TCP10L: variants seen among roughly 807,000 people sequenced by gnomAD.
The protein encoded by TCP10L is T-complex protein 10A homolog 1.
TCP10L carries 11 observed loss-of-function variants against 19.2 expected under a neutral mutation model. The ratio of observed to expected loss-of-function variants is 0.57; its 90% CI spans 0.36 to 0.95. TCP10L has a LOEUF of 0.95. TCP10L is among the 40% of genes least tolerant of loss of function. The probability of loss-of-function intolerance (pLI) is 0.01; values close to 1 mark genes in which losing one functional copy is unlikely to be tolerated. For synonymous variants in TCP10L, 96 were observed against 97.2 expected (o/e 0.99, Z 0.07); for missense variants, 247 against 263.9 (o/e 0.94, Z 0.44).
At position 32,578,833 on chromosome 21, in the gene TCP10L, T is replaced by C; in HGVS notation, c.361-2A>G. ...TTTTCCAAAAGCAGGTTCCAATGCCTAAAAGACAAAATGCAGGGAAATTCT... is the reference window on the plus strand; with the variant it reads ...TTTTCCAAAAGCAGGTTCCAATGCCCAAAAGACAAAATGCAGGGAAATTCT... On this transcript the variant is annotated splice_acceptor_variant, in intron 3 of 4. Coordinates refer to ENST00000300258, the MANE Select transcript of TCP10L (RefSeq NM_144659.7). LOFTEE classifies it high-confidence loss of function. The surrounding 1 kb of genome is among the most constrained non-coding windows in gnomAD (Gnocchi z 4.2). 1 of 1,614,044 alleles carries C rather than the reference T, an allele frequency of 6.2e-7. No homozygotes were observed. The highest frequency in any genetic ancestry group is 8.5e-7 in the Non-Finnish European group (1 of 1,180,006).
chr21:32,576,390 CA>C lies in TCP10L; in HGVS notation c.*383del. 1 of 1,091,176 alleles carries C rather than the reference CA, an allele frequency of 9.2e-7. No homozygotes were observed. The highest frequency in any genetic ancestry group is 1.3e-6 in the Non-Finnish European group (1 of 764,046). The allele number at this position is 1,091,176 out of a possible 1,614,324, so 67.6% of individuals were successfully genotyped here. On this transcript the variant is annotated 3_prime_UTR_variant, in exon 5 of 5. Coordinates refer to ENST00000300258, the MANE Select transcript of TCP10L (RefSeq NM_144659.7). ...CCTGGAGCGGGCAATGCCTTGAGCC[CA>C]AAGGCTGGGAGCACAAAGCCATCTT...
intron 2 of TCP10L, among the ~76,000 whole-genome samples, chr21:32,583,578 G>A (rs372104217): frequency 0.025 from 3,025 of 120,086 alleles, 106 homozygotes; most frequent in African/African-American, 0.093. Context: ...GACAGAGCGA[G>A]ACTCCGTCTC....
At chr21:32,581,867 A>G (rs1371798288) in intron 3 of TCP10L, among the ~76,000 whole-genome samples, 1 of 152,120 alleles carries the variant, frequency 6.6e-6, no homozygotes, top group Non-Finnish European at 1.5e-5. Flanking sequence ...TAAGACCGTA[A>G]AGCTCCGTAC....
chr21:32,580,476 CTGTGTG>C (rs3056366), intron 3 of TCP10L, among the ~76,000 whole-genome samples: 1,842 of 137,304 alleles, frequency 0.013, 21 homozygotes, highest in Admixed American at 0.015. Context: ...CGGTGGGTGC[CTGTGTG>C]TGTGTGTGTG....
chr21:32,582,569 T>C lies in TCP10L; in HGVS notation c.145-154A>G. The C allele has an allele frequency of 3.2e-6, 2 of 628,532 alleles. No homozygotes were observed. Among genetic ancestry groups the C allele is most frequent in the Non-Finnish European group, 2.6e-6 (1 of 378,242 alleles). 38.9% of individuals were successfully genotyped at this position (628,532 alleles called of 1,614,324 possible). ...ATAAACAGGACTACCACAGCCTTTT[T>C]CTTTCTTCTTTCTTTCCTTTCTTTC... On this transcript the variant is annotated intron_variant, in intron 2 of 4. Coordinates refer to ENST00000300258, the MANE Select transcript of TCP10L (RefSeq NM_144659.7). The surrounding 1 kb of genome is among the most constrained non-coding windows in gnomAD (Gnocchi z 4.2).
Position 32,576,753 on chromosome 21 carries a change from T to A in TCP10L, c.*21A>T. On this transcript the variant is annotated 3_prime_UTR_variant, in exon 5 of 5. Transcript: ENST00000300258. ...GGGCCAGTGTAGAGTGACACAGGTG[T>A]CCGAGGCCACCTTTCCATCTTCAGA... 6.2e-7 allele frequency: 1 copy of A among 1,610,892 alleles called. No individual in the cohort carries two copies. Among genetic ancestry groups the A allele is most frequent in the African/African-American group, 1.3e-5 (1 of 74,866 alleles).
In TCP10L at chr21:32,582,584, TC is replaced by T. The variant is rs2038508446; in HGVS notation, c.145-170del. On this transcript the variant is annotated intron_variant, in intron 2 of 4. Coordinates refer to ENST00000300258, the MANE Select transcript of TCP10L (RefSeq NM_144659.7). This position sits in a 1 kb window ranked among gnomAD's most constrained non-coding sequence, Gnocchi z 4.2. The stretch of plus-strand genomic sequence containing the variant: ...ACAGCCTTTTTCTTTCTTCTTTCTT[TC>T]CTTTCTTTCTTTCTTTTCTTTTCTT... The T allele has an allele frequency of 1.1e-5, 7 of 640,088 alleles. No homozygotes were observed. Among genetic ancestry groups the T allele is most frequent in the Non-Finnish European group, 1.9e-5 (7 of 375,640 alleles). The allele number at this position is 640,088 out of a possible 1,614,324, so 39.7% of individuals were successfully genotyped here. A position where few individuals can be genotyped will look rare whatever the true frequency, so the allele number is the denominator to read the frequency against.
chr21:32,574,395 A>G lies in TCP10L; in HGVS notation c.*2379T>C, dbSNP rs2038408031. ...AGAAAGTCTCTGTTTGAAAGGCTGA[A>G]CCTCAGGAAATAAAGAGACATTTGG... On this transcript the variant is annotated 3_prime_UTR_variant, in exon 5 of 5. Coordinates refer to ENST00000300258, the MANE Select transcript of TCP10L (RefSeq NM_144659.7). 6.6e-6 allele frequency among the ~76,000 whole-genome samples: 1 copy of G among 152,214 alleles called. No homozygotes were observed. The highest frequency in any genetic ancestry group is 1.5e-5 in the Non-Finnish European group (1 of 68,034).
rs2038404726 is a variant in TCP10L, at chr21:32,574,079, G to A, written c.*2695C>T. ...GGGACCTGTGTTCCCAGACTTCCCC[G>A]CCAGGTGCCTACTTACATCACACGT... On this transcript the variant is annotated 3_prime_UTR_variant, in exon 5 of 5. Coordinates refer to ENST00000300258, the MANE Select transcript of TCP10L (RefSeq NM_144659.7). 6.6e-6 allele frequency: 1 copy of A among 152,136 alleles called. No individual in the cohort carries two copies. Among genetic ancestry groups the A allele is most frequent in the East Asian group, 1.9e-4 (1 of 5,176 alleles). The allele number at this position is 152,136 out of a possible 1,614,324, so 9.4% of individuals were successfully genotyped here.
rs2038503561 is a variant in TCP10L at position 32,582,262 on chromosome 21, G to A, written c.298C>T (p.Arg100Trp). The A allele has an allele frequency of 6.2e-6, 10 of 1,614,000 alleles. No homozygotes were observed. The highest frequency in any genetic ancestry group is 1.6e-4 in the Middle Eastern group (1 of 6,080). Reference protein sequence around the residue: ...REKLRALQLQRWKARKKSAAS... With the variant: ...REKLRALQLQWWKARKKSAAS... ...GCAGATTTCTTCCTGGCTTTCCACC[G>A]CTGCAGCTGCAGAGCTCTCAGCTTT... Residue 100 changes from arginine to tryptophan, a missense_variant, in exon 3 of 5, where the codon CGG (arginine) becomes TGG (tryptophan). Physicochemically the swap from Arg to Trp is moderately radical, Grantham distance 101 (BLOSUM62 -3). Transcript: ENST00000300258. The surrounding 1 kb of genome is among the most constrained non-coding windows in gnomAD (Gnocchi z 4.2).
At chr21:32,581,183 G>A (rs1436780155) in intron 3 of TCP10L, among the ~76,000 whole-genome samples, 2 of 152,316 alleles carry the variant, frequency 1.3e-5, no homozygotes, top group East Asian at 1.9e-4. Context: ...GCAGGCCATC[G>A]ACTGGCGGAA....
rs1166076368 is a variant in TCP10L, at chr21:32,574,027, T to G, written c.*2747A>C. 6.6e-6 allele frequency: 1 copy of G among 152,018 alleles called. No homozygotes were observed. Among genetic ancestry groups the G allele is most frequent in the Non-Finnish European group, 1.5e-5 (1 of 67,998 alleles). 9.4% of individuals were successfully genotyped at this position (152,018 alleles called of 1,614,324 possible). On this transcript the variant is annotated 3_prime_UTR_variant, in exon 5 of 5. Coordinates refer to ENST00000300258, the MANE Select transcript of TCP10L (RefSeq NM_144659.7). ...TGAAAAGGGCAGAACAGAATGTGGG[T>G]TTTTCTCGGGAGAACAGAAAACAAG...
In TCP10L at chr21:32,582,589, T is replaced by TCTTC. The variant is rs2038508713; in HGVS notation, c.145-175_145-174insGAAG. ...CTTTTTCTTTCTTCTTTCTTTCCTT[T>TCTTC]CTTTCTTTCTTTTCTTTTCTTTTTT... On this transcript the variant is annotated intron_variant, in intron 2 of 4. Transcript: ENST00000300258. This position sits in a 1 kb window ranked among gnomAD's most constrained non-coding sequence, Gnocchi z 4.2. Among the ~76,000 whole-genome samples, 1 of 143,742 alleles carries TCTTC rather than the reference T, an allele frequency of 7.0e-6. No individual in the cohort carries two copies. The highest frequency in any genetic ancestry group is 1.5e-5 in the Non-Finnish European group (1 of 65,032). The allele number at this position is 143,742 out of a possible 152,430, so 94.3% of individuals were successfully genotyped here.
In TCP10L at chr21:32,576,827, C is replaced by T; in HGVS notation, c.595G>A (p.Ala199Thr). The change falls in exon 5 of 5, where the codon GCA becomes ACA. Residue 199 changes from alanine (A) to threonine (T), a missense_variant. Physicochemically the swap from Ala to Thr is moderately conservative, Grantham distance 58 (BLOSUM62 0). Transcript: ENST00000300258. Reference protein sequence around the residue: ...NLSRRRQDRRATPTGRPTPCA... With the variant: ...NLSRRRQDRRTTPTGRPTPCA... ...GGAGTTGGCCTTCCAGTAGGTGTTGCTCTTCTGTCTTGACGTCTCCTGGAA... is the reference window on the plus strand; with the variant it reads ...GGAGTTGGCCTTCCAGTAGGTGTTGTTCTTCTGTCTTGACGTCTCCTGGAA... The T allele has an allele frequency of 6.2e-7, 1 of 1,614,136 alleles. No individual in the cohort carries two copies. The highest frequency in any genetic ancestry group is 8.5e-7 in the Non-Finnish European group (1 of 1,180,018).
Position 32,578,480 on chromosome 21 carries a change from G to T in TCP10L, c.498+214C>A, listed in dbSNP as rs547582681. ...TGAGTGTACTCAGAGGGAAGCAGCC[G>T]GGAGGACTTGGAATCTGCTCCACAG... On this transcript the variant is annotated intron_variant, in intron 4 of 4. Coordinates refer to ENST00000300258, the MANE Select transcript of TCP10L (RefSeq NM_144659.7). This position sits in a 1 kb window ranked among gnomAD's most constrained non-coding sequence, Gnocchi z 4.2. Among the ~76,000 whole-genome samples, 1 of 152,220 alleles carries T rather than the reference G, an allele frequency of 6.6e-6. No individual in the cohort carries two copies. The highest frequency in any genetic ancestry group is 1.5e-5 in the Non-Finnish European group (1 of 68,044).
At position 32,576,756 on chromosome 21, in the gene TCP10L, G is replaced by A. The variant is rs765725111; in HGVS notation, c.*18C>T. On this transcript the variant is annotated 3_prime_UTR_variant, in exon 5 of 5. Coordinates refer to ENST00000300258, the MANE Select transcript of TCP10L (RefSeq NM_144659.7). ...CCAGTGTAGAGTGACACAGGTGTCC[G>A]AGGCCACCTTTCCATCTTCAGACAC... 2.0e-5 allele frequency: 32 copies of A among 1,610,698 alleles called. No individual in the cohort carries two copies. In the Admixed American group the frequency reaches 3.7e-4, roughly 19 times the overall value.
intron 2 of TCP10L, among the ~76,000 whole-genome samples, chr21:32,583,908 C>T (rs1414466743): frequency 2.0e-5 from 3 of 152,206 alleles, no homozygotes; most frequent in African/African-American, 7.2e-5. Context: ...GTGCCTTCTC[C>T]TGGATTAGAG....
chr21:32,574,726 G>GA lies in TCP10L; in HGVS notation c.*2047dup, dbSNP rs2038412498. 1 of 166,224 alleles carries GA rather than the reference G, an allele frequency of 6.0e-6. No individual in the cohort carries two copies. The highest frequency in any genetic ancestry group is 2.4e-5 in the African/African-American group (1 of 41,474). 10.3% of individuals were successfully genotyped at this position (166,224 alleles called of 1,614,324 possible). On this transcript the variant is annotated 3_prime_UTR_variant, in exon 5 of 5. Coordinates refer to ENST00000300258, the MANE Select transcript of TCP10L (RefSeq NM_144659.7). The stretch of plus-strand genomic sequence containing the variant: ...AAAAGGATAGTGTATATACATTGTG[G>GA]AAATATCAGTATCCTAATGCGATTG...
chr21:32,576,504 C>T lies in TCP10L; in HGVS notation c.*270G>A, dbSNP rs2038435276. Reference sequence around the variant, plus strand: ...CAAGGTGGGTTAATTTTTTTAAAGACTCTGCAGAAATATACCAACTACAGA... The same window carrying T: ...CAAGGTGGGTTAATTTTTTTAAAGATTCTGCAGAAATATACCAACTACAGA... On this transcript the variant is annotated 3_prime_UTR_variant, in exon 5 of 5. Transcript: ENST00000300258. The T allele has an allele frequency of 1.6e-6, 1 of 608,382 alleles. No individual in the cohort carries two copies. Among genetic ancestry groups the T allele is most frequent in the Non-Finnish European group, 2.8e-6 (1 of 357,490 alleles). The allele number at this position is 608,382 out of a possible 1,614,324, so 37.7% of individuals were successfully genotyped here.
Sources: gnomAD v4.1 joint callset for allele counts (sites outside exome capture counted in the v4.1 genomes callset) on GRCh38, gnomAD v4.1.1 for gene constraint, Gnocchi (gnomAD v3.1) non-coding constraint, MANE v1.5 for transcripts, NCBI Gene and HGNC (gene_info 2026-07-23, HGNC 2026-07-21) for gene names.